SLC35D4: variants seen among roughly 807,000 people sequenced by gnomAD.
The protein encoded by SLC35D4 is solute carrier family 35 member D4, also known as UDP-N-acetylglucosamine transporter SLC35D4.
At chr18:23,421,396 C>T in the SLC35D4 span, 1 of 1,614,098 alleles carries the variant, frequency 6.2e-7, no homozygotes. Flanking sequence ...CTACCCAGCC[C>T]AGTTTCCAGG....
chr18:23,381,025 C>G, the SLC35D4 span, among the ~76,000 whole-genome samples: 1 of 152,162 alleles, frequency 6.6e-6, no homozygotes, highest in African/African-American at 2.4e-5. Flanking sequence ...CAAGTGTGTT[C>G]CTTATGATAA....
At chr18:23,365,883 A>G in the SLC35D4 span, among the ~76,000 whole-genome samples, 1 of 152,194 alleles carries the variant, frequency 6.6e-6, no homozygotes, top group Admixed American at 6.5e-5. Flanking sequence ...CAGGCTTGGG[A>G]CAGAGTATGA....
the SLC35D4 span, chr18:23,399,483 C>G: frequency 8.2e-7 from 1 of 1,219,058 alleles, no homozygotes; most frequent in South Asian, 1.3e-5. Flanking sequence ...ATTCTTTGCC[C>G]TTATTGAGCT....
chr18:23,356,558 C>T, the SLC35D4 span: 1 of 1,608,064 alleles, frequency 6.2e-7, no homozygotes, highest in African/African-American at 1.3e-5. The surrounding 1 kb of genome is among the most constrained non-coding windows in gnomAD (Gnocchi z 4.1). Context: ...CAGCGGACAG[C>T]ACAGAAAGCA....
chr18:23,267,668 G>A, the SLC35D4 span, among the ~76,000 whole-genome samples: 12 of 152,128 alleles, frequency 7.9e-5, no homozygotes, highest in South Asian at 2.1e-4. Context: ...ACTCTGTCCC[G>A]TTCCTCTGCA....
At chr18:23,410,403 G>A in the SLC35D4 span, among the ~76,000 whole-genome samples, 7 of 151,748 alleles carry the variant, frequency 4.6e-5, no homozygotes, top group East Asian at 1.9e-4. Context: ...GCATGAACCC[G>A]GGAGGCAGAG....
chr18:23,337,300 C>T, the SLC35D4 span, among the ~76,000 whole-genome samples: 15 of 152,016 alleles, frequency 9.9e-5, no homozygotes, highest in South Asian at 8.3e-4. Context: ...GGTGAAACCC[C>T]CTCTCTACTA....
the SLC35D4 span, chr18:23,373,663 T>G: frequency 4.4e-6 from 7 of 1,602,614 alleles, no homozygotes; most frequent in Non-Finnish European, 6.0e-6. Flanking sequence ...CACCCAGGCT[T>G]CAGAGAATAA....
the SLC35D4 span, among the ~76,000 whole-genome samples, chr18:23,421,010 A>C: frequency 6.6e-6 from 1 of 151,906 alleles, no homozygotes; most frequent in South Asian, 2.1e-4. Context: ...TTGGGAGGTC[A>C]AGGCAGGTGG....
At chr18:23,251,501 C>G in the SLC35D4 span, among the ~76,000 whole-genome samples, 1 of 151,988 alleles carries the variant, frequency 6.6e-6, no homozygotes, top group African/African-American at 2.4e-5. Context: ...AAAGACCCAG[C>G]CTTGGCAAGT....
At chr18:23,368,911 T>C in the SLC35D4 span, among the ~76,000 whole-genome samples, 1 of 152,230 alleles carries the variant, frequency 6.6e-6, no homozygotes, top group Non-Finnish European at 1.5e-5. Context: ...AACCAGTTAC[T>C]AGTTCATTTT....
chr18:23,303,905 GAAAA>G, the SLC35D4 span, among the ~76,000 whole-genome samples: 2 of 109,344 alleles, frequency 1.8e-5, no homozygotes, highest in African/African-American at 3.4e-5. Context: ...CTATCTCCAG[GAAAA>G]AAAAAAAAAA....
chr18:23,324,675 C>T, the SLC35D4 span, among the ~76,000 whole-genome samples: 1 of 152,160 alleles, frequency 6.6e-6, no homozygotes, highest in Non-Finnish European at 1.5e-5. Flanking sequence ...GTTATGGGAA[C>T]AAACCCCACT....
the SLC35D4 span, among the ~76,000 whole-genome samples, chr18:23,387,181 G>T: frequency 2.0e-5 from 3 of 152,136 alleles, no homozygotes; most frequent in Non-Finnish European, 4.4e-5. Flanking sequence ...AAAGTGCTGG[G>T]ATTACAGGTG....
chr18:23,245,015 T>C, the SLC35D4 span, among the ~76,000 whole-genome samples: 1 of 152,228 alleles, frequency 6.6e-6, no homozygotes, highest in Admixed American at 6.5e-5. Flanking sequence ...CAACAACCTG[T>C]CTGCTCTGAG....
chr18:23,358,008 C>T, the SLC35D4 span, among the ~76,000 whole-genome samples: 30 of 152,236 alleles, frequency 2.0e-4, no homozygotes, highest in African/African-American at 5.8e-4. Flanking sequence ...GTGCGAAGAG[C>T]GTGGATATAT....
At chr18:23,376,275 G>T in the SLC35D4 span, among the ~76,000 whole-genome samples, 3 of 152,230 alleles carry the variant, frequency 2.0e-5, no homozygotes, top group Non-Finnish European at 4.4e-5. Flanking sequence ...AAACAGTGGT[G>T]CTGATCAATT....
chr18:23,369,970 C>G, the SLC35D4 span, among the ~76,000 whole-genome samples: 2 of 152,186 alleles, frequency 1.3e-5, no homozygotes, highest in Non-Finnish European at 2.9e-5. Context: ...CACCTGAGGT[C>G]GGTAGTTCCA....
the SLC35D4 span, among the ~76,000 whole-genome samples, chr18:23,247,881 C>T: frequency 2.6e-5 from 4 of 152,382 alleles, no homozygotes; most frequent in Admixed American, 1.3e-4. Flanking sequence ...CCCACTTACG[C>T]GGGGCCAAGC....
Sources: gnomAD v4.1 joint callset for allele counts (sites outside exome capture counted in the v4.1 genomes callset) on GRCh38, gnomAD v4.1.1 for gene constraint, Gnocchi (gnomAD v3.1) non-coding constraint, MANE v1.5 for transcripts, NCBI Gene and HGNC (gene_info 2026-07-23, HGNC 2026-07-21) for gene names.